Variants in SLC38A2 observed in about 807,000 individuals in gnomAD.
SLC38A2 encodes solute carrier family 38 member 2.
Under a neutral mutation model 61.5 loss-of-function variants are expected in SLC38A2, and 11 were observed. That is an observed-to-expected ratio of 0.18 (90% CI 0.11 to 0.30). SLC38A2 has a LOEUF of 0.30. Among genes scored for constraint, SLC38A2 ranks in the 10% least tolerant of loss-of-function variants. The probability of loss-of-function intolerance (pLI) is 1.00; values close to 1 mark genes in which losing one functional copy is unlikely to be tolerated. For synonymous variants in SLC38A2, 217 were observed against 212.5 expected, an observed-to-expected ratio of 1.02 and a Z score of -0.18; for missense variants, 522 against 600.4, an observed-to-expected ratio of 0.87 and a Z score of 1.36.
chr12:46,363,874 C>T (rs1350474782), intron 11 of SLC38A2, 48 bp from the exon 12 acceptor site: 1 of 1,591,812 alleles, frequency 6.3e-7, no homozygotes, highest in Non-Finnish European at 8.6e-7. Context: ...GCAGCAGTTA[C>T]AGCAATTGTC....
chr12:46,358,521 A>T lies in SLC38A2; in HGVS notation c.*2590T>A, dbSNP rs1268515057. ...ATGTTGTTTATTGCAAATACAATTT[A>T]AACAAGTTTTTTTTAGTGTTTGTAC... On this transcript the variant is annotated 3_prime_UTR_variant, in exon 16 of 16. Coordinates refer to ENST00000256689, the MANE Select transcript of SLC38A2 (RefSeq NM_018976.5). The T allele has an allele frequency of 2.0e-5, 3 of 152,668 alleles. No homozygotes were observed. Among genetic ancestry groups the T allele is most frequent in the African/African-American group, 4.8e-5 (2 of 41,470 alleles). 9.5% of individuals were successfully genotyped at this position (152,668 alleles called of 1,614,324 possible). A position where few individuals can be genotyped will look rare whatever the true frequency, so the allele number is the denominator to read the frequency against.
intron 10 of SLC38A2, 142 bp from the exon 11 acceptor site, chr12:46,364,145 G>T: frequency 1.3e-6 from 1 of 787,768 alleles, no homozygotes; most frequent in Non-Finnish European, 2.0e-6. Flanking sequence ...CTTCTAATCT[G>T]TTCATGAAGT....
In SLC38A2 at chr12:46,367,350, G is replaced by C; in HGVS notation, c.315-10C>G. On this transcript the variant is annotated splice_polypyrimidine_tract_variant and intron_variant, in intron 4 of 15. Transcript: ENST00000256689. ...AAATGTCAAGAGAATTCTGGTGAGA[G>C]AAGGAAAAGGCATAGGGTTATAAAT... is the stretch of plus-strand genomic sequence containing the variant. 7.1e-7 allele frequency: 1 copy of C among 1,409,246 alleles called. No homozygotes were observed. 87.3% of individuals were successfully genotyped at this position (1,409,246 alleles called of 1,614,324 possible).
rs1401175781 is a variant in SLC38A2 at position 46,371,358 on chromosome 12, G to A, written c.-65C>T. 10 of 1,332,202 alleles carry A rather than the reference G, an allele frequency of 7.5e-6. No individual in the cohort carries two copies. The highest frequency in any genetic ancestry group is 1.9e-5 in the Admixed American group (1 of 53,576). The allele number at this position is 1,332,202 out of a possible 1,614,324, so 82.5% of individuals were successfully genotyped here. ...GGGCTCCTTTTGTCCTTGGCGGTGG[G>A]TGCAGCGGCCCGCGAGTCGGCCTGC... On this transcript the variant is annotated 5_prime_UTR_variant, in exon 2 of 16. Transcript: ENST00000256689.
At position 46,361,036 on chromosome 12, in the gene SLC38A2, G is replaced by A. The variant is rs1943075254; in HGVS notation, c.*75C>T. ...AAAGGAAGTGAAACTGAAAACATTA[G>A]GTGAAATTTCATAGTAGTTGAGTTT... is the stretch of plus-strand genomic sequence containing the variant. On this transcript the variant is annotated 3_prime_UTR_variant, in exon 16 of 16. Coordinates refer to ENST00000256689, the MANE Select transcript of SLC38A2 (RefSeq NM_018976.5). The A allele has an allele frequency of 6.2e-6, 7 of 1,121,058 alleles. No individual in the cohort carries two copies. The South Asian group carries it at 8.1e-5, about 13-fold the overall frequency. The allele number at this position is 1,121,058 out of a possible 1,614,324, so 69.4% of individuals were successfully genotyped here. A position where few individuals can be genotyped will look rare whatever the true frequency, so the allele number is the denominator to read the frequency against.
At chr12:46,371,946 G>A (rs1488118981) in intron 1 of SLC38A2, among the ~76,000 whole-genome samples, 1 of 151,892 alleles carries the variant, frequency 6.6e-6, no homozygotes, top group Admixed American at 6.5e-5. Flanking sequence ...CGGGAGCTGG[G>A]GGTTTGTTTA....
chr12:46,362,664 T>C (rs540887966), intron 13 of SLC38A2, 26 bp from the exon 14 acceptor site: 78 of 1,546,972 alleles, frequency 5.0e-5, no homozygotes, highest in African/African-American at 8.6e-5. Flanking sequence ...ATAAAATGTA[T>C]TTTAAAAATA....
At chr12:46,369,260 A>C (rs1414487021) in intron 4 of SLC38A2, among the ~76,000 whole-genome samples, 1 of 151,832 alleles carries the variant, frequency 6.6e-6, no homozygotes, top group African/African-American at 2.4e-5. Context: ...TCCACTAAGA[A>C]CTCCTGAGAT....
chr12:46,362,149 A>G (rs1466243105), intron 15 of SLC38A2, 135 bp downstream of exon 15: 8 of 682,524 alleles, frequency 1.2e-5, no homozygotes, highest in Non-Finnish European at 1.9e-5. Context: ...TCTGTGAAGT[A>G]TACCATTACA....
Position 46,364,410 on chromosome 12 carries a change from G to C in SLC38A2, c.852C>G (p.His284Gln). The C allele has an allele frequency of 6.3e-7, 1 of 1,586,576 alleles. No homozygotes were observed. The highest frequency in any genetic ancestry group is 8.5e-7 in the Non-Finnish European group (1 of 1,172,284). The change falls in exon 10 of 16, where the codon CAC becomes CAG. Residue 284 changes from histidine to glutamine, a missense_variant. By Grantham distance (24) the His-to-Gln change is conservative. Transcript: ENST00000256689. ...NVTENDSCRP[H>Q]YFIFNSQTVY... Reference sequence around the variant, plus strand: ...TTACCTGTGAGTTGAAAATAAAATAGTGAGGTCTGCAAGAGTCATTTTCAG... The same window carrying C: ...TTACCTGTGAGTTGAAAATAAAATACTGAGGTCTGCAAGAGTCATTTTCAG...
Position 46,372,720 on chromosome 12 carries a change from C to G in SLC38A2, c.-298G>C, listed in dbSNP as rs1943220250. 2.5e-6 allele frequency: 1 copy of G among 398,370 alleles called. No homozygotes were observed. Among genetic ancestry groups the G allele is most frequent in the Non-Finnish European group, 4.4e-6 (1 of 225,952 alleles). 24.7% of individuals were successfully genotyped at this position (398,370 alleles called of 1,614,324 possible). ...GAGCGTGCGGTAACGCGTGGTCGGG[C>G]TGCTGCTAGCAGTACTGGAAAGGCG... On this transcript the variant is annotated 5_prime_UTR_variant, in exon 1 of 16. Coordinates refer to ENST00000256689, the MANE Select transcript of SLC38A2 (RefSeq NM_018976.5).
intron 1 of SLC38A2, among the ~76,000 whole-genome samples, chr12:46,371,838 C>G (rs1366233428): frequency 1.3e-5 from 2 of 152,196 alleles, no homozygotes; most frequent in Non-Finnish European, 2.9e-5. Flanking sequence ...TGCCCGGAGT[C>G]CCCACACGGA....
intron 13 of SLC38A2, 29 bp from the exon 14 acceptor site, chr12:46,362,667 T>A (rs1468132016): frequency 2.6e-6 from 4 of 1,544,950 alleles, no homozygotes; most frequent in Non-Finnish European, 3.5e-6. Flanking sequence ...AAATGTATTT[T>A]AAAAATAGCA....
At chr12:46,367,667 GCAC>G (rs1461326236) in intron 4 of SLC38A2, among the ~76,000 whole-genome samples, 1 of 152,128 alleles carries the variant, frequency 6.6e-6, no homozygotes, top group Non-Finnish European at 1.5e-5. Context: ...TTTGATTCTG[GCAC>G]CACAATAATG....
At chr12:46,370,212 T>C (rs1943180293) in intron 4 of SLC38A2, among the ~76,000 whole-genome samples, 1 of 152,248 alleles carries the variant, frequency 6.6e-6, no homozygotes, top group Admixed American at 6.5e-5. Flanking sequence ...GCTTTAGCCA[T>C]AGTTTTTTTA....
rs947201527 is a variant in SLC38A2 at position 46,372,638 on chromosome 12, G to C, written c.-216C>G. ...AGGAAAAATAATTTTAATAAAAAAG[G>C]AAAAGACAAATTGCCGCCCCAATCC... On this transcript the variant is annotated 5_prime_UTR_variant, in exon 1 of 16. Transcript: ENST00000256689. 5 of 398,374 alleles carry C rather than the reference G, an allele frequency of 1.3e-5. No homozygotes were observed. The highest frequency in any genetic ancestry group is 4.4e-5 in the Admixed American group (1 of 22,720). The allele number at this position is 398,374 out of a possible 1,614,324, so 24.7% of individuals were successfully genotyped here. A position where few individuals can be genotyped will look rare whatever the true frequency, so the allele number is the denominator to read the frequency against.
In SLC38A2 at chr12:46,372,534, A is replaced by G. The variant is rs1943217264; in HGVS notation, c.-112T>C. On this transcript the variant is annotated 5_prime_UTR_variant, in exon 1 of 16. Coordinates refer to ENST00000256689, the MANE Select transcript of SLC38A2 (RefSeq NM_018976.5). ...CTCGGTGGTCTCTATTCTCACGCAGACGTCTTCAGTGGGTTTCTCTCAGTC... is the reference window on the plus strand; with the variant it reads ...CTCGGTGGTCTCTATTCTCACGCAGGCGTCTTCAGTGGGTTTCTCTCAGTC... 1.5e-5 allele frequency: 6 copies of G among 389,426 alleles called. No homozygotes were observed. Among genetic ancestry groups the G allele is most frequent in the Non-Finnish European group, 2.7e-5 (6 of 220,624 alleles). The allele number at this position is 389,426 out of a possible 1,614,324, so 24.1% of individuals were successfully genotyped here.
rs752497033 is a variant in SLC38A2 at position 46,364,486 on chromosome 12, G to C, written c.776C>G (p.Thr259Ser). 3.7e-6 allele frequency: 6 copies of C among 1,612,726 alleles called. No homozygotes were observed. Among genetic ancestry groups the C allele is most frequent in the Non-Finnish European group, 5.1e-6 (6 of 1,179,358 alleles). The part of the protein sequence containing the change: ...AALIINETIN[T>S]TLTQPTALVP... Reference sequence around the variant, plus strand: ...AAGAGCTGTTGGCTGTGTTAAGGTGGTGTTTATTGTTTCGTTAATTATCAA... The same window carrying C: ...AAGAGCTGTTGGCTGTGTTAAGGTGCTGTTTATTGTTTCGTTAATTATCAA... Residue 259 changes from threonine to serine, a missense_variant, in exon 10 of 16, where the codon ACC becomes AGC. Physicochemically the swap from Thr to Ser is moderately conservative, Grantham distance 58. This residue lies in a region of SLC38A2 where 309 missense variants were observed against 343.9 expected (regional missense o/e 0.90). Transcript: ENST00000256689.
At chr12:46,366,061 GGTGGGAA>G (rs1211353902) in intron 7 of SLC38A2, among the ~76,000 whole-genome samples, 1 of 152,060 alleles carries the variant, frequency 6.6e-6, no homozygotes, top group African/African-American at 2.4e-5. Flanking sequence ...CTGCACATAG[GGTGGGAA>G]GTAAATTATC....
Sources: gnomAD v4.1 joint callset for allele counts (sites outside exome capture counted in the v4.1 genomes callset) on GRCh38, gnomAD v4.1.1 for gene constraint, gnomAD v4.1.1 regional missense constraint, MANE v1.5 for transcripts, NCBI Gene and HGNC (gene_info 2026-07-23, HGNC 2026-07-21) for gene names.